PCP4: variants seen among roughly 807,000 people sequenced by gnomAD.
PCP4 encodes the protein calmodulin regulator protein PCP4.
Under a neutral mutation model 10.0 loss-of-function variants are expected in PCP4, and 8 were observed. The observed-to-expected ratio is 0.80, with a 90% CI of 0.47 to 1.45. The LOEUF (loss-of-function observed/expected upper bound fraction) is 1.45, where lower values mean the gene tolerates loss of function less well. PCP4 is among the 40% of genes most tolerant of loss of function. The pLI is 0.00. For missense variants in PCP4, 54 were observed against 74.4 expected, an observed-to-expected ratio of 0.73 and a Z score of 1.01; for synonymous variants, 21 against 23.0, an observed-to-expected ratio of 0.91 and a Z score of 0.24.
At chr21:39,903,736 C>T (rs957343925) in intron 2 of PCP4, among the ~76,000 whole-genome samples, 5 of 151,578 alleles carry the variant, frequency 3.3e-5, no homozygotes, top group Non-Finnish European at 7.4e-5. Context: ...GGCGCGGTGG[C>T]GGGCGCCTGT....
intron 1 of PCP4, among the ~76,000 whole-genome samples, chr21:39,876,542 C>T (rs963840170): frequency 6.6e-6 from 1 of 152,148 alleles, no homozygotes; most frequent in African/African-American, 2.4e-5. Flanking sequence ...ACATAAGGAA[C>T]TGCAAGGTAT....
intron 2 of PCP4, among the ~76,000 whole-genome samples, chr21:39,907,103 T>C (rs1357745269): frequency 6.6e-6 from 1 of 152,124 alleles, no homozygotes. Context: ...ACATCTGGGA[T>C]TACAAAAGCA....
chr21:39,885,379 C>T (rs1469354225), intron 1 of PCP4, among the ~76,000 whole-genome samples: 3 of 152,208 alleles, frequency 2.0e-5, no homozygotes, highest in African/African-American at 4.8e-5. Context: ...GCGGAGCTCC[C>T]GGTTGCCCTC....
At chr21:39,888,229 G>A (rs1010434186) in intron 1 of PCP4, among the ~76,000 whole-genome samples, 7 of 152,240 alleles carry the variant, frequency 4.6e-5, no homozygotes, top group Non-Finnish European at 8.8e-5. Context: ...ATGAGAACGA[G>A]ATGGATTTAT....
chr21:39,869,736 T>C (rs2087310946), intron 1 of PCP4, among the ~76,000 whole-genome samples: 1 of 152,254 alleles, frequency 6.6e-6, no homozygotes, highest in Non-Finnish European at 1.5e-5. Context: ...CAGAAGCTCC[T>C]TTCTGGGTAG....
chr21:39,928,929 G>T (rs2087637550), intron 2 of PCP4, 55 bp from the exon 3 acceptor site: 2 of 1,582,174 alleles, frequency 1.3e-6, no homozygotes, highest in Non-Finnish European at 8.6e-7. Context: ...GGGGCTGTCT[G>T]CTTTCCTATT....
intron 2 of PCP4, among the ~76,000 whole-genome samples, chr21:39,923,368 G>A (rs1049173710): frequency 1.3e-5 from 2 of 152,228 alleles, no homozygotes; most frequent in East Asian, 1.9e-4. Context: ...ATTTTGCCCT[G>A]CTTGAGTAAG....
chr21:39,926,061 C>G (rs1307378923), intron 2 of PCP4: 1 of 456,218 alleles, frequency 2.2e-6, no homozygotes, highest in Middle Eastern at 3.3e-4. Flanking sequence ...GTGCCCCATT[C>G]TCTTCCTTAC....
At chr21:39,886,562 AC>A (rs1245182290) in intron 1 of PCP4, among the ~76,000 whole-genome samples, 2 of 152,126 alleles carry the variant, frequency 1.3e-5, no homozygotes, top group Non-Finnish European at 2.9e-5. Flanking sequence ...CCAAGATCAC[AC>A]CATTGCACTC....
intron 2 of PCP4, among the ~76,000 whole-genome samples, chr21:39,923,348 A>G (rs937168480): frequency 3.9e-5 from 6 of 152,302 alleles, no homozygotes; most frequent in East Asian, 1.9e-4. Flanking sequence ...TTAACTGGTT[A>G]CAGTGCAGCA....
intron 2 of PCP4, among the ~76,000 whole-genome samples, chr21:39,903,887 A>AC (rs2087494196): frequency 2.6e-5 from 4 of 151,524 alleles, no homozygotes; most frequent in African/African-American, 4.8e-5. Context: ...AAAAAAAAAA[A>AC]AAAAAAAAAG....
At chr21:39,909,469 C>G (rs1424315684) in intron 2 of PCP4, among the ~76,000 whole-genome samples, 1 of 152,230 alleles carries the variant, frequency 6.6e-6, no homozygotes, top group Admixed American at 6.5e-5. Flanking sequence ...CTCCTATTCA[C>G]TAAGGAGCAG....
intron 2 of PCP4, among the ~76,000 whole-genome samples, chr21:39,901,603 G>C (rs2837280): frequency 0.14 from 21,065 of 152,146 alleles, 1,659 homozygotes; most frequent in Middle Eastern, 0.23. Flanking sequence ...ACTGAGTGAG[G>C]TTTTTTATGG....
intron 2 of PCP4, among the ~76,000 whole-genome samples, chr21:39,899,268 A>G (rs1365135512): frequency 2.6e-5 from 4 of 152,192 alleles, no homozygotes; most frequent in African/African-American, 9.7e-5. Flanking sequence ...AGTGGTATGC[A>G]CCAAGGGCCA....
intron 1 of PCP4, among the ~76,000 whole-genome samples, chr21:39,882,757 G>A (rs1274096922): frequency 1.3e-5 from 2 of 152,224 alleles, no homozygotes; most frequent in East Asian, 1.9e-4. Context: ...TTAAATGGGT[G>A]AGTTACAGGC....
At position 39,914,783 on chromosome 21, in the gene PCP4, T is replaced by C. The variant is rs542768406; in HGVS notation, c.62-14201T>C. 9.4e-4 allele frequency among the ~76,000 whole-genome samples: 143 copies of C among 152,252 alleles called. No individual in the cohort carries two copies. The Middle Eastern group carries it at 0.01, about 11-fold the overall frequency. ...TTAAAAACTGGGGAACTGTATGAAA[T>C]TCTCTATGGTGGTGAAATTTTTAGA... On this transcript the variant is annotated intron_variant, in intron 2 of 2. Transcript: ENST00000328619.
chr21:39,886,679 G>T (rs892160026), intron 1 of PCP4, among the ~76,000 whole-genome samples: 1 of 152,222 alleles, frequency 6.6e-6, no homozygotes, highest in Non-Finnish European at 1.5e-5. Flanking sequence ...GAACTCAACA[G>T]TGTGGGCTGG....
chr21:39,872,134 G>T (rs952704662), intron 1 of PCP4, among the ~76,000 whole-genome samples: 1 of 152,198 alleles, frequency 6.6e-6, no homozygotes, highest in Admixed American at 6.5e-5. Context: ...GAGTAGCTGG[G>T]ACTATAGGCT....
In PCP4 at chr21:39,929,285, T is replaced by G; in HGVS notation, c.*174T>G. 4.2e-6 allele frequency: 2 copies of G among 474,312 alleles called. No homozygotes were observed. Among genetic ancestry groups the G allele is most frequent in the Non-Finnish European group, 3.6e-6 (1 of 275,476 alleles). The allele number at this position is 474,312 out of a possible 1,614,324, so 29.4% of individuals were successfully genotyped here. On this transcript the variant is annotated 3_prime_UTR_variant, in exon 3 of 3. Coordinates refer to ENST00000328619, the MANE Select transcript of PCP4 (RefSeq NM_006198.3). ...ATATTTATACCCTTGTAGGAAGGTA[T>G]AGACAATGGAATTGTGAGTAGCTTA...
Sources: gnomAD v4.1 joint callset for allele counts (sites outside exome capture counted in the v4.1 genomes callset) on GRCh38, gnomAD v4.1.1 for gene constraint, MANE v1.5 for transcripts, NCBI Gene and HGNC (gene_info 2026-07-23, HGNC 2026-07-21) for gene names.